HIF3A: variants seen among roughly 807,000 people sequenced by gnomAD.
HIF3A encodes hypoxia inducible factor 3 subunit alpha.
HIF3A carries 41 observed loss-of-function variants against 67.2 expected under a neutral mutation model. The ratio of observed to expected loss-of-function variants is 0.61; its 90% confidence interval spans 0.48 to 0.79. HIF3A has a LOEUF of 0.79. Among genes scored for constraint, HIF3A ranks in the 30% least tolerant of loss-of-function variants. The pLI is 0.00. For synonymous variants in HIF3A, 356 were observed against 374.8 expected (o/e 0.95, Z 0.58); for missense variants, 855 against 898.0 (o/e 0.95, Z 0.61).
intron 8 of HIF3A, among the ~76,000 whole-genome samples, chr19:46,317,675 A>G (rs1970026730): frequency 6.6e-6 from 1 of 151,436 alleles, no homozygotes; most frequent in Non-Finnish European, 1.5e-5. Flanking sequence ...CCCCATGCCC[A>G]TTTTCTCTCC....
chr19:46,302,629 T>C (rs962013231), intron 1 of HIF3A, among the ~76,000 whole-genome samples: 1 of 152,154 alleles, frequency 6.6e-6, no homozygotes, highest in African/African-American at 2.4e-5. Flanking sequence ...ATCCCAGAAT[T>C]TGGGGAGGCC....
rs1407506828 is a variant in HIF3A at position 46,303,906 on chromosome 19, C to T, written c.35C>T (p.Thr12Met). 1.9e-6 allele frequency: 3 copies of T among 1,608,060 alleles called. No homozygotes were observed. Among genetic ancestry groups the T allele is most frequent in the Admixed American group, 1.7e-5 (1 of 59,416 alleles). Reference sequence around the variant, plus strand: ...GCTGCCCATGCCCTCAGGTCGACCACGGAGCTGCGCAAGGAAAAGTCCCGG... The same window carrying T: ...GCTGCCCATGCCCTCAGGTCGACCATGGAGCTGCGCAAGGAAAAGTCCCGG... ...ALGLQRARST[T>M]ELRKEKSRDA... is the part of the protein sequence containing the mutation. Residue 12 changes from threonine to methionine, a missense_variant, in exon 2 of 15, where the codon ACG (threonine) becomes ATG (methionine). By Grantham distance (81) the Thr-to-Met change is moderately conservative (BLOSUM62 -1). Transcript: ENST00000377670.
At chr19:46,331,383 A>C (rs1345955293) in intron 13 of HIF3A, 110 bp downstream of exon 13, 3 of 819,008 alleles carry the variant, frequency 3.7e-6, no homozygotes, top group Non-Finnish European at 6.2e-6. Flanking sequence ...TGAGGGTCAT[A>C]CAGAAAGTCA....
At chr19:46,300,120 A>G (rs547797097) in intron 1 of HIF3A, among the ~76,000 whole-genome samples, 4 of 152,256 alleles carry the variant, frequency 2.6e-5, no homozygotes, top group East Asian at 3.9e-4. Context: ...CTCCTGCTCA[A>G]TAGGGTAGTA....
intron 6 of HIF3A, among the ~76,000 whole-genome samples, chr19:46,311,456 T>C (rs144816450): frequency 4.1e-4 from 62 of 152,346 alleles, no homozygotes; most frequent in African/African-American, 1.4e-3. Flanking sequence ...AAATGAGTTT[T>C]ACAGGCCAAA....
chr19:46,324,731 G>A (rs924643055), intron 10 of HIF3A, among the ~76,000 whole-genome samples: 2 of 151,610 alleles, frequency 1.3e-5, no homozygotes, highest in African/African-American at 2.4e-5. Flanking sequence ...GAGGGCGCCT[G>A]TAATCCCAGC....
In HIF3A at chr19:46,320,520, C is replaced by A. The variant is rs146803876; in HGVS notation, c.1103C>A (p.Ala368Asp). The change falls in exon 9 of 15, where the codon GCC becomes GAC. Residue 368 changes from alanine (A) to aspartate (D), a missense_variant. By Grantham distance (126) the Ala-to-Asp change is moderately radical. This residue lies in a region of HIF3A where 638 missense variants were observed against 660.5 expected (regional missense o/e 0.97). Transcript: ENST00000377670. The part of the protein sequence containing the change: ...QHSRRPIQRG[A>D]PSQKDTPNPG... ...TCTCGCAGACCCATTCAGCGGGGCG[C>A]CCCCTCTCAGAAGGACACCCCTAAC... The A allele has an allele frequency of 7.9e-4, 1,273 of 1,613,930 alleles. 2 individuals carry two copies. The highest frequency in any genetic ancestry group is 1.0e-3 in the Non-Finnish European group (1,205 of 1,179,954).
At chr19:46,328,347 A>G (rs1222919256) in intron 11 of HIF3A, among the ~76,000 whole-genome samples, 2 of 152,250 alleles carry the variant, frequency 1.3e-5, no homozygotes, top group Non-Finnish European at 2.9e-5. Context: ...GGTAAAGTTA[A>G]TTATTCACTA....
At chr19:46,326,708 G>C (rs892713140) in intron 11 of HIF3A, among the ~76,000 whole-genome samples, 1 of 152,226 alleles carries the variant, frequency 6.6e-6, no homozygotes. Flanking sequence ...CAAGTCATCT[G>C]TCACCCACAT....
Position 46,309,200 on chromosome 19 carries a change from C to G in HIF3A, c.611C>G (p.Thr204Ser), listed in dbSNP as rs1969200061. ...AGGGCCTACAAGCCACCTGCGCAGACTTCTCCAGCTGGGAGCCCTGACTCA... is the reference window on the plus strand; with the variant it reads ...AGGGCCTACAAGCCACCTGCGCAGAGTTCTCCAGCTGGGAGCCCTGACTCA... ...HMRAYKPPAQTSPAGSPDSEP... is the reference protein window; with the variant it reads ...HMRAYKPPAQSSPAGSPDSEP... The change falls in exon 6 of 15, where the codon ACT becomes AGT. Residue 204 changes from threonine (T) to serine (S), a missense_variant. By Grantham distance (58) the Thr-to-Ser change is moderately conservative. Around this residue, in one of 3 missense-constraint regions of HIF3A, gnomAD observed 638 missense variants for 660.5 expected, o/e 0.97. Transcript: ENST00000377670. 6.2e-7 allele frequency: 1 copy of G among 1,614,026 alleles called. No individual in the cohort carries two copies. The highest frequency in any genetic ancestry group is 1.3e-5 in the African/African-American group (1 of 74,938).
chr19:46,329,057 G>C (rs551717279), intron 11 of HIF3A, 150 bp from the exon 12 acceptor site: 9 of 648,140 alleles, frequency 1.4e-5, no homozygotes, highest in African/African-American at 1.3e-4. Flanking sequence ...TGTTCTTCAG[G>C]GAGTCCTTAT....
Position 46,339,653 on chromosome 19 carries a change from C to T in HIF3A, c.*31C>T, listed in dbSNP as rs201213421. ...CTCCTCTCCCCATCTGCCTTCTCCT[C>T]CCCCAGAAAGGACCTCAACCACACT... On this transcript the variant is annotated 3_prime_UTR_variant, in exon 15 of 15. Transcript: ENST00000377670. The T allele has an allele frequency of 1.3e-6, 2 of 1,508,488 alleles. No individual in the cohort carries two copies. The highest frequency in any genetic ancestry group is 2.8e-5 in the African/African-American group (2 of 71,936). The allele number at this position is 1,508,488 out of a possible 1,614,324, so 93.4% of individuals were successfully genotyped here. A position where few individuals can be genotyped will look rare whatever the true frequency, so the allele number is the denominator to read the frequency against.
At chr19:46,337,924 G>A (rs1331293416) in intron 14 of HIF3A, among the ~76,000 whole-genome samples, 1 of 152,224 alleles carries the variant, frequency 6.6e-6, no homozygotes, top group East Asian at 1.9e-4. Flanking sequence ...GGCCAGGGCT[G>A]TCTGGGTCCC....
At chr19:46,328,012 C>T (rs1970916745) in intron 11 of HIF3A, among the ~76,000 whole-genome samples, 1 of 152,166 alleles carries the variant, frequency 6.6e-6, no homozygotes, top group Non-Finnish European at 1.5e-5. Context: ...GGTTTCATTG[C>T]ATAGGCATGA....
chr19:46,312,734 T>TGTGTGTGC (rs1879376284), intron 8 of HIF3A, 81 bp downstream of exon 8: 9 of 1,503,458 alleles, frequency 6.0e-6, no homozygotes, highest in African/African-American at 4.3e-5. Flanking sequence ...TGTGTGTGTG[T>TGTGTGTGC]GTGCGTATGA....
intron 14 of HIF3A, among the ~76,000 whole-genome samples, chr19:46,339,066 C>T (rs1185720995): frequency 2.0e-5 from 3 of 152,064 alleles, no homozygotes; most frequent in Non-Finnish European, 4.4e-5. Context: ...TTGTTAAATG[C>T]CCAGACACGC....
In HIF3A at chr19:46,304,093, GC is replaced by G; in HGVS notation, c.217+9del. 1 of 1,552,872 alleles carries G rather than the reference GC, an allele frequency of 6.4e-7. No individual in the cohort carries two copies. Among genetic ancestry groups the G allele is most frequent in the Non-Finnish European group, 8.7e-7 (1 of 1,150,652 alleles). ...TGCACCGCCTCTGCGCCGCAGGTGAGCCCCGCCCGCGGGAATTCCCGTCTTG... is the reference window on the plus strand; with the variant it reads ...TGCACCGCCTCTGCGCCGCAGGTGAGCCCGCCCGCGGGAATTCCCGTCTTG... On this transcript the variant is annotated splice_donor_region_variant and intron_variant, in intron 2 of 14. Coordinates refer to ENST00000377670, the MANE Select transcript of HIF3A (RefSeq NM_152795.4).
chr19:46,332,253 G>A (rs1209675132), intron 13 of HIF3A, among the ~76,000 whole-genome samples: 1 of 152,156 alleles, frequency 6.6e-6, no homozygotes, highest in East Asian at 1.9e-4. Flanking sequence ...AAACCAAAGG[G>A]CCGGGCGCTG....
chr19:46,311,254 C>G (rs1969403638), intron 6 of HIF3A, among the ~76,000 whole-genome samples: 1 of 152,122 alleles, frequency 6.6e-6, no homozygotes. Context: ...CTCAGTGGCT[C>G]CAAACAACAC....
Sources: allele counts gnomAD v4.1 joint callset (sites outside exome capture counted in the v4.1 genomes callset), GRCh38; gene constraint gnomAD v4.1.1; regional missense constraint gnomAD v4.1.1; transcripts MANE v1.5; gene names NCBI Gene and HGNC (gene_info 2026-07-23, HGNC 2026-07-21).